The following PCNT variants were observed in gnomAD, a reference collection of about 807,000 sequenced individuals.
PCNT encodes the protein pericentrin.
Under a neutral mutation model 380.4 loss-of-function variants are expected in PCNT, and 319 were observed. That is an observed-to-expected ratio of 0.84 (90% CI 0.77 to 0.92). The LOEUF is 0.92. Among genes scored for constraint, PCNT ranks in the 40% least tolerant of loss-of-function variants. The pLI, the probability that PCNT is intolerant of heterozygous loss-of-function variation, is 0.00. For synonymous variants in PCNT, 1,845 were observed against 1,735.2 expected (o/e 1.06, Z -1.57); for missense variants, 4,400 against 4,255.3 (o/e 1.03, Z -0.95).
In PCNT at chr21:46,443,863, A is replaced by G. The variant is rs749444257; in HGVS notation, c.9754A>G (p.Thr3252Ala). 13 of 1,612,826 alleles carry G rather than the reference A, an allele frequency of 8.1e-6. No homozygotes were observed. In the South Asian group the frequency reaches 9.9e-5, roughly 12 times the overall value. ...ACCCAGAACCAGAGAGTCCCCCCCAACCCGGGATGTACCCTCTGGCCACAC... is the reference window on the plus strand; with the variant it reads ...ACCCAGAACCAGAGAGTCCCCCCCAGCCCGGGATGTACCCTCTGGCCACAC... Reference protein sequence around the residue: ...SPPRTRESPPTRDVPSGHTRD... With the variant: ...SPPRTRESPPARDVPSGHTRD... Residue 3252 changes from threonine (T) to alanine (A), a missense_variant, in exon 45 of 47, where the codon ACC becomes GCC. Coordinates refer to ENST00000359568, the MANE Select transcript of PCNT (RefSeq NM_006031.6).
In PCNT at chr21:46,388,501, G is replaced by A. The variant is rs181796725; in HGVS notation, c.3465-241G>A. On this transcript the variant is annotated intron_variant, in intron 17 of 46. Coordinates refer to ENST00000359568, the MANE Select transcript of PCNT (RefSeq NM_006031.6). This position sits in a 1 kb window ranked among gnomAD's most constrained non-coding sequence, Gnocchi z 4.2. ...TGATGCCTTTTACACATCAGAAATG[G>A]CATCAGGAAGACCTCACCTAGGAAA... Among the ~76,000 whole-genome samples the A allele has an allele frequency of 6.6e-6, 1 of 152,330 alleles. No individual in the cohort carries two copies. The highest frequency in any genetic ancestry group is 6.5e-5 in the Admixed American group (1 of 15,300).
At chr21:46,378,377 G>C (rs1474637365) in intron 15 of PCNT, among the ~76,000 whole-genome samples, 1 of 152,198 alleles carries the variant, frequency 6.6e-6, no homozygotes, top group Non-Finnish European at 1.5e-5. Context: ...CTGAATTGCA[G>C]CATTGCAATT....
chr21:46,335,544 T>A (rs1002573205), intron 3 of PCNT, among the ~76,000 whole-genome samples: 1 of 151,522 alleles, frequency 6.6e-6, no homozygotes, highest in Non-Finnish European at 1.5e-5. Flanking sequence ...AATACAAAAT[T>A]AGCTGGGTGC....
rs1055119912 is a variant in PCNT at position 46,388,389 on chromosome 21, G to T, written c.3465-353G>T. 6.6e-6 allele frequency among the ~76,000 whole-genome samples: 1 copy of T among 152,188 alleles called. No homozygotes were observed. Among genetic ancestry groups the T allele is most frequent in the Non-Finnish European group, 1.5e-5 (1 of 68,036 alleles). On this transcript the variant is annotated intron_variant, in intron 17 of 46. Transcript: ENST00000359568. This position sits in a 1 kb window ranked among gnomAD's most constrained non-coding sequence, Gnocchi z 4.2. ...TGGTGCACCCTGTGCTCCAGGGGAG[G>T]GGCGGAGCCTGTGTGCTGCTCCCGG...
At chr21:46,371,913 C>T (rs1292076759) in intron 15 of PCNT, among the ~76,000 whole-genome samples, 4 of 150,664 alleles carry the variant, frequency 2.7e-5, no homozygotes, top group Non-Finnish European at 4.4e-5. Flanking sequence ...AGCACATGTG[C>T]GCACACAGCA....
intron 16 of PCNT, among the ~76,000 whole-genome samples, chr21:46,383,307 C>T (rs554900521): frequency 1.5e-4 from 20 of 135,044 alleles, no homozygotes; most frequent in Admixed American, 6.9e-4. Context: ...AGCGCATTCA[C>T]GGTGTTGTGC....
rs558971807 is a variant in PCNT, at chr21:46,361,347, C to T, written c.2155-2133C>T. On this transcript the variant is annotated intron_variant, in intron 13 of 46. Transcript: ENST00000359568. ...CAGAGGTTGCAGTGAGCCACAATCACGCCACTGCATTCCAGCCTGAGCGGC... is the reference window on the plus strand; with the variant it reads ...CAGAGGTTGCAGTGAGCCACAATCATGCCACTGCATTCCAGCCTGAGCGGC... Among the ~76,000 whole-genome samples, 53 of 152,334 alleles carry T rather than the reference C, an allele frequency of 3.5e-4. 1 individual carries two copies. Among genetic ancestry groups the T allele is most frequent in the East Asian group, 1.5e-3 (8 of 5,188 alleles).
intron 30 of PCNT, 147 bp downstream of exon 30, chr21:46,416,986 G>A: frequency 2.8e-6 from 2 of 718,580 alleles, no homozygotes; most frequent in South Asian, 1.9e-5. Context: ...CTGGCATCAT[G>A]GGCGCATTTA....
chr21:46,349,187 G>A lies in PCNT; in HGVS notation c.1207+1G>A, dbSNP rs2084180082. Reference sequence around the variant, plus strand: ...TTTCAAGACAAAAACCAGGCTGAACGTAAGTAATGAAAATGAGCAAGTTTG... The same window carrying A: ...TTTCAAGACAAAAACCAGGCTGAACATAAGTAATGAAAATGAGCAAGTTTG... On this transcript the variant is annotated splice_donor_variant, in intron 7 of 46. Transcript: ENST00000359568. LOFTEE classifies it high-confidence loss of function. 6 of 1,612,382 alleles carry A rather than the reference G, an allele frequency of 3.7e-6. No individual in the cohort carries two copies. Among genetic ancestry groups the A allele is most frequent in the South Asian group, 2.2e-5 (2 of 91,010 alleles).
chr21:46,333,798 A>G (rs1489409105), intron 2 of PCNT, among the ~76,000 whole-genome samples: 1 of 151,562 alleles, frequency 6.6e-6, no homozygotes, highest in East Asian at 1.9e-4. Context: ...AGTTCGTGCA[A>G]CTGCATTGCA....
At chr21:46,404,127 G>A (rs537682071) in intron 27 of PCNT, among the ~76,000 whole-genome samples, 3 of 146,244 alleles carry the variant, frequency 2.1e-5, no homozygotes, top group Admixed American at 6.8e-5. Context: ...TGAACATAGC[G>A]TGGGAGAATT....
chr21:46,400,950 T>TC lies in PCNT; in HGVS notation c.4792-596dup, dbSNP rs569118445. ...ATCACCTGCACTTGGAGCGGAGTTGTCCCCCTGGCCGGCCACTGCACACAT... is the reference window on the plus strand; with the variant it reads ...ATCACCTGCACTTGGAGCGGAGTTGTCCCCCCTGGCCGGCCACTGCACACAT... On this transcript the variant is annotated intron_variant, in intron 25 of 46. Coordinates refer to ENST00000359568, the MANE Select transcript of PCNT (RefSeq NM_006031.6). Among the ~76,000 whole-genome samples the TC allele has an allele frequency of 1.8e-3, 272 of 152,254 alleles. 1 individual carries two copies. Among genetic ancestry groups the TC allele is most frequent in the South Asian group, 0.011 (55 of 4,812 alleles).
intron 29 of PCNT, among the ~76,000 whole-genome samples, chr21:46,414,218 T>C (rs112947078): frequency 0.18 from 26,903 of 151,850 alleles, 4,392 homozygotes; most frequent in African/African-American, 0.44. Flanking sequence ...TCTTGAACTC[T>C]TGACCTTAGG....
chr21:46,354,105 T>C, intron 11 of PCNT, 37 bp downstream of exon 11: 2 of 1,555,486 alleles, frequency 1.3e-6, no homozygotes, highest in Non-Finnish European at 1.8e-6. Flanking sequence ...GGGAGTCCTG[T>C]GCTCTTGACC....
At chr21:46,372,244 C>T (rs942861210) in intron 15 of PCNT, among the ~76,000 whole-genome samples, 1 of 151,864 alleles carries the variant, frequency 6.6e-6, no homozygotes, top group Non-Finnish European at 1.5e-5. Flanking sequence ...AGCACATGCA[C>T]ATACACAGCA....
chr21:46,403,314 C>T (rs1406528134), intron 27 of PCNT, among the ~76,000 whole-genome samples: 3 of 139,050 alleles, frequency 2.2e-5, no homozygotes, highest in East Asian at 4.2e-4. Context: ...ATGAACACAG[C>T]GTGGGAGAAT....
In PCNT at chr21:46,324,250, C is replaced by T; in HGVS notation, c.22C>T (p.Arg8Trp). 6.2e-7 allele frequency: 1 copy of T among 1,612,146 alleles called. No homozygotes were observed. Among genetic ancestry groups the T allele is most frequent in the South Asian group, 1.1e-5 (1 of 90,714 alleles). Residue 8 changes from arginine (R) to tryptophan (W), a missense_variant, in exon 1 of 47, where the codon CGG becomes TGG. By Grantham distance (101) the Arg-to-Trp change is moderately radical. Coordinates refer to ENST00000359568, the MANE Select transcript of PCNT (RefSeq NM_006031.6). ...GGAGATGGAAGTTGAGCAAGAGCAG[C>T]GGCGCAGAAAGGTGGAGGCCGGGAG... Reference protein sequence around the residue: MEVEQEQRRRKVEAGRTK... With the variant: MEVEQEQWRRKVEAGRTK...
At chr21:46,378,812 T>G (rs1408523094) in intron 15 of PCNT, among the ~76,000 whole-genome samples, 1 of 152,232 alleles carries the variant, frequency 6.6e-6, no homozygotes, top group Non-Finnish European at 1.5e-5. Context: ...AACCATTTGC[T>G]AATGTAGCAT....
intron 41 of PCNT, 122 bp downstream of exon 41, chr21:46,438,459 C>A: frequency 1.2e-6 from 1 of 833,366 alleles, no homozygotes; most frequent in South Asian, 1.4e-5. Flanking sequence ...CACCTTCTCC[C>A]TAACCGCCAG....
Sources: gnomAD v4.1 joint callset for allele counts (sites outside exome capture counted in the v4.1 genomes callset) on GRCh38, gnomAD v4.1.1 for gene constraint, Gnocchi (gnomAD v3.1) non-coding constraint, MANE v1.5 for transcripts, NCBI Gene and HGNC (gene_info 2026-07-23, HGNC 2026-07-21) for gene names.